Variants in CPD observed in about 807,000 individuals in gnomAD.
CPD encodes the protein metallocarboxypeptidase D.
In CPD, 69 loss-of-function variants were observed where a neutral mutation model predicts 138.3. The ratio of observed to expected loss-of-function variants is 0.50; its 90% CI spans 0.41 to 0.61. The LOEUF (loss-of-function observed/expected upper bound fraction) is 0.61, where lower values mean the gene tolerates loss of function less well. Ranked by LOEUF, CPD falls within the 20% of genes least tolerant of loss-of-function variation. The pLI is 0.00. For missense variants in CPD, 1,432 were observed against 1,733.3 expected (o/e 0.83, Z 3.09); for synonymous variants, 651 against 642.1 (o/e 1.01, Z -0.21).
At position 30,465,140 on chromosome 17, in the gene CPD, G is replaced by C; in HGVS notation, c.*326G>C. ...GGATGTTGTATTTTGCACATCAGATGTTTACTAGTGGCTTTAGTATTTTTC... is the reference window on the plus strand; with the variant it reads ...GGATGTTGTATTTTGCACATCAGATCTTTACTAGTGGCTTTAGTATTTTTC... On this transcript the variant is annotated 3_prime_UTR_variant, in exon 21 of 21. Coordinates refer to ENST00000225719, the MANE Select transcript of CPD (RefSeq NM_001304.5). The C allele has an allele frequency of 4.2e-6, 1 of 237,616 alleles. No homozygotes were observed. Among genetic ancestry groups the C allele is most frequent in the Non-Finnish European group, 8.3e-6 (1 of 120,448 alleles). The allele number at this position is 237,616 out of a possible 1,614,324, so 14.7% of individuals were successfully genotyped here.
chr17:30,457,805 ACCCG>A (rs1913340220), intron 17 of CPD, among the ~76,000 whole-genome samples: 1 of 151,708 alleles, frequency 6.6e-6, no homozygotes, highest in African/African-American at 2.4e-5. Context: ...AGCCAAGACC[ACCCG>A]CATGCACCAC....
At chr17:30,409,522 C>G (rs1428069796) in intron 2 of CPD, among the ~76,000 whole-genome samples, 3 of 152,118 alleles carry the variant, frequency 2.0e-5, no homozygotes, top group Non-Finnish European at 4.4e-5. Flanking sequence ...ATTATTGCCT[C>G]AATTTCAAAA....
At position 30,378,998 on chromosome 17, in the gene CPD, C is replaced by G. The variant is rs569399497; in HGVS notation, c.18C>G (p.Asp6Glu). ...GCTGGAAGATGGCGAGCGGCCGGGA[C>G]GAGCGGCCGCCTTGGCGGCTAGGGC... MASGR[D>E]ERPPWRLGRL... The change falls in exon 1 of 21, where the codon GAC (aspartate) becomes GAG (glutamate). Residue 6 changes from aspartate (D) to glutamate (E), a missense_variant. Asp to Glu is a conservative substitution (Grantham distance 45). This residue lies in a region of CPD where 484 missense variants were observed against 477.2 expected (regional missense o/e 1.01). Coordinates refer to ENST00000225719, the MANE Select transcript of CPD (RefSeq NM_001304.5). The G allele has an allele frequency of 1.0e-5, 16 of 1,543,926 alleles. No individual in the cohort carries two copies. In the East Asian group the frequency reaches 3.4e-4, roughly 33 times the overall value.
In CPD at chr17:30,464,631, G is replaced by C; in HGVS notation, c.3960G>C (p.Trp1320Cys). Residue 1320 changes from tryptophan (W) to cysteine (C), a missense_variant, in exon 21 of 21, where the codon TGG (tryptophan) becomes TGC (cysteine). Transcript: ENST00000225719. Reference protein sequence around the residue: ...SALILTACIIWCICSIKSNRH... With the variant: ...SALILTACIICCICSIKSNRH... ...TGATCCTAACAGCTTGCATTATTTG[G>C]TGCATCTGCTCAATCAAGTCTAATA... 6.2e-7 allele frequency: 1 copy of C among 1,613,760 alleles called. No individual in the cohort carries two copies. Among genetic ancestry groups the C allele is most frequent in the Admixed American group, 1.7e-5 (1 of 59,986 alleles).
intron 17 of CPD, among the ~76,000 whole-genome samples, chr17:30,459,198 TATTTA>T: frequency 9.5e-6 from 1 of 105,540 alleles, no homozygotes; most frequent in Non-Finnish European, 1.9e-5. Flanking sequence ...ATTTATTTTT[TATTTA>T]TTTTTATTTA....
rs1053199895 is a variant in CPD at position 30,423,080 on chromosome 17, T to A, written c.1657+57T>A. On this transcript the variant is annotated intron_variant, in intron 5 of 20. Coordinates refer to ENST00000225719, the MANE Select transcript of CPD (RefSeq NM_001304.5). Reference sequence around the variant, plus strand: ...TAGTGCCCCTCAAAGCCATGTTCAATATTGCTATGTTTCATTCAGAAAGGT... The same window carrying A: ...TAGTGCCCCTCAAAGCCATGTTCAAAATTGCTATGTTTCATTCAGAAAGGT... 1.2e-5 allele frequency: 15 copies of A among 1,296,190 alleles called. No individual in the cohort carries two copies. The Admixed American group carries it at 1.9e-4, about 16-fold the overall frequency. 80.3% of individuals were successfully genotyped at this position (1,296,190 alleles called of 1,614,324 possible).
At chr17:30,428,449 A>G (rs144722878) in intron 7 of CPD, among the ~76,000 whole-genome samples, 1,910 of 152,342 alleles carry the variant, frequency 0.013, 35 homozygotes, top group African/African-American at 0.044. Flanking sequence ...AACAACCATC[A>G]TCTGATAAAT....
chr17:30,445,262 T>C (rs1046945597), intron 11 of CPD, among the ~76,000 whole-genome samples: 1 of 152,038 alleles, frequency 6.6e-6, no homozygotes, highest in Admixed American at 6.6e-5. Context: ...GTCAGAAGTT[T>C]GAGACCAGCC....
At chr17:30,438,572 A>G (rs1294229211) in intron 8 of CPD, among the ~76,000 whole-genome samples, 1 of 152,184 alleles carries the variant, frequency 6.6e-6, no homozygotes, top group East Asian at 1.9e-4. Flanking sequence ...AGTCAGGGAA[A>G]GCTGCTTGCT....
At chr17:30,421,971 TATA>T (rs2143413815) in intron 4 of CPD, 138 bp downstream of exon 4, 1 of 711,298 alleles carries the variant, frequency 1.4e-6, no homozygotes, top group Non-Finnish European at 2.2e-6. Context: ...TTTCTCGTTT[TATA>T]ATAAGAAAAT....
chr17:30,462,570 C>CT (rs1913518073), intron 20 of CPD, 101 bp downstream of exon 20: 1 of 755,896 alleles, frequency 1.3e-6, no homozygotes, highest in Admixed American at 2.3e-5. Context: ...AAACTAATCA[C>CT]TTGTCTTCTA....
chr17:30,411,829 G>A (rs140615344), intron 2 of CPD, among the ~76,000 whole-genome samples: 1 of 152,264 alleles, frequency 6.6e-6, no homozygotes, highest in Non-Finnish European at 1.5e-5. Flanking sequence ...GGAGAAGTTT[G>A]TTATTACCAA....
chr17:30,395,525 A>C (rs1040976821), intron 2 of CPD, among the ~76,000 whole-genome samples: 1 of 152,124 alleles, frequency 6.6e-6, no homozygotes, highest in African/African-American at 2.4e-5. Flanking sequence ...TTGAAGCATA[A>C]CCTAGTATAA....
intron 17 of CPD, among the ~76,000 whole-genome samples, chr17:30,457,420 T>G (rs910206799): frequency 6.6e-6 from 1 of 152,210 alleles, no homozygotes; most frequent in Non-Finnish European, 1.5e-5. Context: ...CCATGAAGAT[T>G]GGTATTGCAG....
At chr17:30,435,234 C>T (rs887087518) in intron 8 of CPD, among the ~76,000 whole-genome samples, 15 of 152,106 alleles carry the variant, frequency 9.9e-5, no homozygotes, top group Non-Finnish European at 1.5e-5. Context: ...TTAGGGAACT[C>T]ATACATCCAA....
intron 2 of CPD, among the ~76,000 whole-genome samples, chr17:30,393,987 T>C (rs1911424692): frequency 6.6e-6 from 1 of 151,646 alleles, no homozygotes; most frequent in Admixed American, 6.6e-5. Flanking sequence ...ATACAAAAAT[T>C]AGTGGGGCAT....
chr17:30,406,190 G>C (rs1319471281), intron 2 of CPD, among the ~76,000 whole-genome samples: 1 of 151,846 alleles, frequency 6.6e-6, no homozygotes, highest in East Asian at 1.9e-4. Context: ...AAAATTTGGG[G>C]ACTGTATGTC....
intron 12 of CPD, among the ~76,000 whole-genome samples, chr17:30,449,033 T>G (rs1302145678): frequency 1.3e-5 from 2 of 152,084 alleles, no homozygotes; most frequent in African/African-American, 2.4e-5. Context: ...ACTTGAGTCC[T>G]GGAATTCAAG....
rs767705978 is a variant in CPD at position 30,379,191 on chromosome 17, G to T, written c.211G>T (p.Ala71Ser). The T allele has an allele frequency of 1.3e-6, 2 of 1,531,040 alleles. No homozygotes were observed. The highest frequency in any genetic ancestry group is 2.4e-5 in the South Asian group (2 of 83,768). 94.8% of individuals were successfully genotyped at this position (1,531,040 alleles called of 1,614,324 possible). Residue 71 changes from alanine (A) to serine (S), a missense_variant, in exon 1 of 21, where the codon GCG becomes TCG. By Grantham distance (99) the Ala-to-Ser change is moderately conservative (BLOSUM62 1). Around this residue, in one of 6 missense-constraint regions of CPD, gnomAD observed 484 missense variants for 477.2 expected, o/e 1.01. Transcript: ENST00000225719. This position sits in a 1 kb window ranked among gnomAD's most constrained non-coding sequence, Gnocchi z 7.0. ...GGAGTTGGAGTCGGCGCTGAGGGAG[G>T]CGGCGGCCGCGGGCCTCCCCGGCCT... Reference protein sequence around the residue: ...EEELESALREAAAAGLPGLAR... With the variant: ...EEELESALRESAAAGLPGLAR...
Sources: allele counts gnomAD v4.1 joint callset (sites outside exome capture counted in the v4.1 genomes callset), GRCh38; gene constraint gnomAD v4.1.1; regional missense constraint gnomAD v4.1.1; non-coding constraint Gnocchi (gnomAD v3.1); transcripts MANE v1.5; gene names NCBI Gene and HGNC (gene_info 2026-07-23, HGNC 2026-07-21).